MARCHF6: variants seen among roughly 807,000 people sequenced by gnomAD.
The protein encoded by MARCHF6 is E3 ubiquitin-protein ligase MARCHF6.
A neutral mutation model predicts 133.7 loss-of-function variants in MARCHF6; 31 were observed. The ratio of observed to expected loss-of-function variants is 0.23; its 90% CI spans 0.17 to 0.31. MARCHF6 has a LOEUF of 0.31. Among genes scored for constraint, MARCHF6 ranks in the 10% least tolerant of loss-of-function variants. The pLI, the probability that MARCHF6 is intolerant of heterozygous loss-of-function variation, is 1.00. For synonymous variants in MARCHF6, 395 were observed against 402.5 expected (o/e 0.98, Z 0.22); for missense variants, 723 against 1,121.6 (o/e 0.64, Z 5.08).
At chr5:10,362,166 A>G (rs1561094776) in intron 1 of MARCHF6, among the ~76,000 whole-genome samples, 1 of 152,190 alleles carries the variant, frequency 6.6e-6, no homozygotes, top group Non-Finnish European at 1.5e-5. Flanking sequence ...TTACACACAA[A>G]TTTACCCTGT....
intron 1 of MARCHF6, among the ~76,000 whole-genome samples, chr5:10,361,571 A>C (rs1561094162): frequency 2.0e-5 from 3 of 152,042 alleles, no homozygotes. Context: ...ACCTCATTTT[A>C]ACTTAATTAC....
rs2126398527 is a variant in MARCHF6 at position 10,435,880 on chromosome 5, C to T, written c.*2196C>T. 6.7e-6 allele frequency: 1 copy of T among 148,930 alleles called. No individual in the cohort carries two copies. The highest frequency in any genetic ancestry group is 2.0e-4 in the East Asian group (1 of 5,036). 9.2% of individuals were successfully genotyped at this position (148,930 alleles called of 1,614,324 possible). A position where few individuals can be genotyped will look rare whatever the true frequency, so the allele number is the denominator to read the frequency against. ...TACAGGTGCGTGCCACCACACCTGG[C>T]TTATTTTAGTTATTTTAGTAGAGAT... is the stretch of plus-strand genomic sequence containing the variant. On this transcript the variant is annotated 3_prime_UTR_variant, in exon 26 of 26. Transcript: ENST00000274140.
chr5:10,390,255 T>G, intron 5 of MARCHF6, 77 bp from the exon 6 acceptor site: 1 of 1,212,072 alleles, frequency 8.3e-7, no homozygotes, highest in Non-Finnish European at 1.2e-6. Context: ...GACTTTAGTA[T>G]AAGAAAATTT....
rs760242276 is a variant in MARCHF6, at chr5:10,436,955, T to C, written c.*3271T>C. The C allele has an allele frequency of 1.1e-4, 17 of 152,272 alleles. No homozygotes were observed. The highest frequency in any genetic ancestry group is 2.1e-4 in the South Asian group (1 of 4,834). 9.4% of individuals were successfully genotyped at this position (152,272 alleles called of 1,614,324 possible). On this transcript the variant is annotated 3_prime_UTR_variant, in exon 26 of 26. Transcript: ENST00000274140. ...TTTTCTTTCCCTTATTCAAGTAATATAGAATAACTTTCCTTAAAATGATTT... is the reference window on the plus strand; with the variant it reads ...TTTTCTTTCCCTTATTCAAGTAATACAGAATAACTTTCCTTAAAATGATTT...
intron 1 of MARCHF6, among the ~76,000 whole-genome samples, chr5:10,356,902 A>G (rs1410204673): frequency 1.3e-5 from 2 of 152,176 alleles, no homozygotes; most frequent in African/African-American, 4.8e-5. Context: ...GCTGTTTCAT[A>G]CTAATTGTTT....
chr5:10,396,115 A>G (rs1480834280), intron 9 of MARCHF6, among the ~76,000 whole-genome samples: 1 of 152,214 alleles, frequency 6.6e-6, no homozygotes, highest in Non-Finnish European at 1.5e-5. Context: ...TTTAATATGT[A>G]TAGTGTGCCA....
chr5:10,429,712 C>A (rs895683919), intron 24 of MARCHF6, among the ~76,000 whole-genome samples, 181 bp from the exon 25 acceptor site: 1 of 152,058 alleles, frequency 6.6e-6, no homozygotes, highest in Non-Finnish European at 1.5e-5. Flanking sequence ...CCTTGTTTTA[C>A]AAATGAGAAA....
At chr5:10,419,181 G>A (rs1006908825) in intron 22 of MARCHF6, among the ~76,000 whole-genome samples, 4 of 152,270 alleles carry the variant, frequency 2.6e-5, no homozygotes, top group African/African-American at 7.2e-5. Context: ...GGTTGAAAGC[G>A]ATACACATTC....
intron 9 of MARCHF6, 73 bp from the exon 10 acceptor site, chr5:10,397,220 T>C: frequency 9.0e-7 from 1 of 1,113,618 alleles, no homozygotes; most frequent in South Asian, 1.7e-5. Flanking sequence ...TCTAGCTAAA[T>C]AAGTGGAATA....
chr5:10,364,707 G>C (rs1030800776), intron 1 of MARCHF6, among the ~76,000 whole-genome samples: 1 of 152,202 alleles, frequency 6.6e-6, no homozygotes, highest in African/African-American at 2.4e-5. Context: ...ACCATGACTT[G>C]CGTATCTGTT....
Position 10,391,610 on chromosome 5 carries a change from C to T in MARCHF6, c.645C>T (p.Asn215=), listed in dbSNP as rs779472347. 29 of 1,612,640 alleles carry T rather than the reference C, an allele frequency of 1.8e-5. No individual in the cohort carries two copies. The highest frequency in any genetic ancestry group is 7.7e-5 in the South Asian group (7 of 91,020). ...AGCCTGCTAACCCACCAGCTGAGAA[C>T]GCAGTGGTGGGGGAAAACCCTGATG... ...ADQPANPPAE[N]AVVGENPDAQ... The change falls in exon 7 of 26, where the codon AAC becomes AAT. Residue 215 remains asparagine (N), a synonymous_variant. Coordinates refer to ENST00000274140, the MANE Select transcript of MARCHF6 (RefSeq NM_005885.4).
intron 22 of MARCHF6, among the ~76,000 whole-genome samples, chr5:10,419,220 C>T (rs1030701438): frequency 2.6e-5 from 4 of 152,160 alleles, no homozygotes; most frequent in African/African-American, 9.7e-5. Flanking sequence ...AGTACTTCTA[C>T]AGCTATTCTG....
At position 10,381,796 on chromosome 5, in the gene MARCHF6, A is replaced by G. The variant is rs368144675; in HGVS notation, c.191-4A>G. On this transcript the variant is annotated splice_region_variant and splice_polypyrimidine_tract_variant and intron_variant, in intron 3 of 25. Coordinates refer to ENST00000274140, the MANE Select transcript of MARCHF6 (RefSeq NM_005885.4). ...AACTGTAAGTACTTTTTTTCCGCTT[A>G]TAGTTTATTCTCCAGATATGCCTTC... 7 of 1,581,482 alleles carry G rather than the reference A, an allele frequency of 4.4e-6. No homozygotes were observed. Among genetic ancestry groups the G allele is most frequent in the African/African-American group, 1.4e-5 (1 of 72,772 alleles).
In MARCHF6 at chr5:10,397,416, A is replaced by G. The variant is rs926657202; in HGVS notation, c.913+72A>G. 19 of 1,107,094 alleles carry G rather than the reference A, an allele frequency of 1.7e-5. 1 individual carries two copies. The East Asian group carries it at 4.6e-4, about 27-fold the overall frequency. The allele number at this position is 1,107,094 out of a possible 1,614,324, so 68.6% of individuals were successfully genotyped here. On this transcript the variant is annotated intron_variant, in intron 10 of 25. Coordinates refer to ENST00000274140, the MANE Select transcript of MARCHF6 (RefSeq NM_005885.4). ...TTTAGTTTTGTAGGAGCCTTGTTAT[A>G]GGTTTATTATTATTTTTTAACATAG...
At chr5:10,418,347 T>C (rs1175449057) in intron 22 of MARCHF6, among the ~76,000 whole-genome samples, 1 of 142,128 alleles carries the variant, frequency 7.0e-6, no homozygotes, top group East Asian at 2.0e-4. Context: ...GCTACTGCAC[T>C]CCAGCCCGGG....
chr5:10,385,493 G>A (rs148477704), intron 4 of MARCHF6, among the ~76,000 whole-genome samples: 1 of 152,202 alleles, frequency 6.6e-6, no homozygotes, highest in Middle Eastern at 3.4e-3. Flanking sequence ...TAATCATAAG[G>A]GTTTAGATTT....
intron 24 of MARCHF6, among the ~76,000 whole-genome samples, chr5:10,429,511 A>C (rs943910188): frequency 2.7e-5 from 4 of 148,196 alleles, no homozygotes; most frequent in Non-Finnish European, 5.9e-5. Flanking sequence ...CGATTCTCCC[A>C]CCCCAGCCTC....
intron 5 of MARCHF6, 104 bp from the exon 6 acceptor site, chr5:10,390,228 G>GTTTTT: frequency 1.4e-5 from 9 of 656,672 alleles, no homozygotes; most frequent in South Asian, 4.1e-5. Flanking sequence ...TCTTCTGGCT[G>GTTTTT]TTTTTTTTTT....
intron 3 of MARCHF6, among the ~76,000 whole-genome samples, chr5:10,381,014 A>G (rs1737109558): frequency 6.6e-6 from 1 of 152,086 alleles, no homozygotes. Flanking sequence ...GTTCTTATAA[A>G]TTTTAGATCA....
Sources: gnomAD v4.1 joint callset for allele counts (sites outside exome capture counted in the v4.1 genomes callset) on GRCh38, gnomAD v4.1.1 for gene constraint, MANE v1.5 for transcripts, NCBI Gene and HGNC (gene_info 2026-07-23, HGNC 2026-07-21) for gene names.